Variants in NRXN3 observed in about 807,000 individuals in gnomAD.
NRXN3 encodes the protein neurexin 3.
NRXN3 carries 32 observed loss-of-function variants against 137.6 expected under a neutral mutation model. That is an observed-to-expected ratio of 0.23 (90% CI 0.18 to 0.31). NRXN3 has a LOEUF of 0.31. Among genes scored for constraint, NRXN3 ranks in the 10% least tolerant of loss-of-function variants. The probability of loss-of-function intolerance (pLI) is 1.00; values close to 1 mark genes in which losing one functional copy is unlikely to be tolerated. For synonymous variants in NRXN3, 798 were observed against 784.5 expected (o/e 1.02, Z -0.29); for missense variants, 1,574 against 2,062.5 (o/e 0.76, Z 4.59).
chr14:79,418,343 G>A (rs1037737844), intron 15 of NRXN3, among the ~76,000 whole-genome samples: 14 of 152,170 alleles, frequency 9.2e-5, no homozygotes, highest in South Asian at 4.1e-4. Flanking sequence ...AGTGGAAACC[G>A]TGTTTGATCT....
chr14:79,531,258 A>G (rs1429958076), intron 16 of NRXN3, among the ~76,000 whole-genome samples: 1 of 152,184 alleles, frequency 6.6e-6, no homozygotes, highest in Non-Finnish European at 1.5e-5. Flanking sequence ...GTGATCTCTA[A>G]GAAGTCTAGA....
intron 15 of NRXN3, among the ~76,000 whole-genome samples, chr14:79,365,636 A>G (rs910117651): frequency 8.7e-5 from 13 of 148,922 alleles, no homozygotes; most frequent in African/African-American, 2.2e-4. Flanking sequence ...GGAGAATGGC[A>G]TGAACCCGGG....
At chr14:79,484,772 A>C (rs1399667026) in intron 16 of NRXN3, among the ~76,000 whole-genome samples, 2 of 152,226 alleles carry the variant, frequency 1.3e-5, no homozygotes, top group Non-Finnish European at 2.9e-5. Flanking sequence ...AGTTTAGAAG[A>C]GGTTAGAAGT....
chr14:79,056,596 G>A (rs1322053342), intron 15 of NRXN3, among the ~76,000 whole-genome samples: 1 of 152,150 alleles, frequency 6.6e-6, no homozygotes, highest in Non-Finnish European at 1.5e-5. Flanking sequence ...TAATTAGAGG[G>A]AAGAGTTGTG....
At chr14:79,414,629 T>A (rs371298537) in intron 15 of NRXN3, among the ~76,000 whole-genome samples, 1 of 152,156 alleles carries the variant, frequency 6.6e-6, no homozygotes, top group South Asian at 2.1e-4. Context: ...GTTTGATGTA[T>A]ATATACATTG....
At chr14:79,027,068 A>G (rs1256975072) in intron 15 of NRXN3, among the ~76,000 whole-genome samples, 9 of 147,654 alleles carry the variant, frequency 6.1e-5, no homozygotes, top group African/African-American at 2.0e-4. Flanking sequence ...CATTTTCCAT[A>G]TATTCTATTG....
intron 10 of NRXN3, among the ~76,000 whole-genome samples, chr14:78,879,229 A>G (rs1182188374): frequency 6.6e-6 from 1 of 152,234 alleles, no homozygotes; most frequent in Non-Finnish European, 1.5e-5. Context: ...TATACCCTGT[A>G]TCAGGATCAC....
Position 78,289,918 on chromosome 14 carries a change from GAAAC to G in NRXN3, c.728-7909_728-7906del, listed in dbSNP as rs549136986. ...ACAGAGTGAGACTCCATCTCAAAAA[GAAAC>G]AAAACAAAACAAAACTGCTCAATGG... On this transcript the variant is annotated intron_variant, in intron 3 of 20. Transcript: ENST00000335750. Among the ~76,000 whole-genome samples, 8 of 152,110 alleles carry G rather than the reference GAAAC, an allele frequency of 5.3e-5. No homozygotes were observed. The South Asian group carries it at 1.2e-3, about 24-fold the overall frequency.
At chr14:79,333,156 G>C (rs960538545) in intron 15 of NRXN3, among the ~76,000 whole-genome samples, 70 of 151,886 alleles carry the variant, frequency 4.6e-4, no homozygotes, top group African/African-American at 1.6e-3. Flanking sequence ...GCAAAAGCCT[G>C]GTTGCTAAAT....
chr14:78,250,072 C>A (rs148036954), intron 2 of NRXN3: 9 of 516,018 alleles, frequency 1.7e-5, no homozygotes, highest in Non-Finnish European at 3.5e-5. Context: ...TCTTGACATG[C>A]GATTATGATT....
chr14:79,451,560 G>A (rs912392966), intron 15 of NRXN3, among the ~76,000 whole-genome samples: 2 of 152,184 alleles, frequency 1.3e-5, no homozygotes, highest in Admixed American at 1.3e-4. Flanking sequence ...TAGAGATAAT[G>A]TGTTCACCTG....
intron 16 of NRXN3, among the ~76,000 whole-genome samples, chr14:79,475,166 G>T (rs2096549040): frequency 6.6e-6 from 1 of 152,114 alleles, no homozygotes; most frequent in South Asian, 2.1e-4. Flanking sequence ...ATACTTCATA[G>T]ATTTGGATTC....
At chr14:78,874,163 G>A (rs546896329) in intron 10 of NRXN3, among the ~76,000 whole-genome samples, 4 of 151,950 alleles carry the variant, frequency 2.6e-5, no homozygotes, top group African/African-American at 9.7e-5. Flanking sequence ...GTAGAGATAG[G>A]ATATCACCAT....
chr14:78,331,352 T>TA (rs2080797103), intron 4 of NRXN3, among the ~76,000 whole-genome samples: 2 of 151,870 alleles, frequency 1.3e-5, no homozygotes, highest in South Asian at 2.1e-4. Flanking sequence ...GTTGTTTTAA[T>TA]AAAAAAAGGA....
At chr14:78,955,533 A>G (rs964222738) in intron 10 of NRXN3, among the ~76,000 whole-genome samples, 2 of 152,208 alleles carry the variant, frequency 1.3e-5, no homozygotes, top group Non-Finnish European at 2.9e-5. Flanking sequence ...CATTGCTCTC[A>G]TGGCATCACT....
intron 15 of NRXN3, among the ~76,000 whole-genome samples, chr14:79,121,021 T>C (rs942954030): frequency 2.0e-5 from 3 of 152,188 alleles, no homozygotes; most frequent in Admixed American, 6.5e-5. Flanking sequence ...TCATGACCAC[T>C]CTACTCTGAG....
intron 15 of NRXN3, among the ~76,000 whole-genome samples, chr14:79,379,891 C>G (rs1484008099): frequency 6.6e-6 from 1 of 151,570 alleles, no homozygotes; most frequent in East Asian, 1.9e-4. Context: ...GTTGTTATTC[C>G]TTCTGAACCA....
intron 15 of NRXN3, among the ~76,000 whole-genome samples, chr14:79,078,989 G>A (rs2046437943): frequency 6.6e-6 from 1 of 152,084 alleles, no homozygotes; most frequent in African/African-American, 2.4e-5. Context: ...ATAATTCATG[G>A]CATTGTGTAT....
chr14:78,587,915 A>AT (rs1162219444), intron 4 of NRXN3, among the ~76,000 whole-genome samples: 2 of 151,966 alleles, frequency 1.3e-5, no homozygotes, highest in African/African-American at 2.4e-5. Flanking sequence ...GATATCAGCT[A>AT]TTTTTTTAAT....
Sources: gnomAD v4.1 joint callset for allele counts (sites outside exome capture counted in the v4.1 genomes callset) on GRCh38, gnomAD v4.1.1 for gene constraint, MANE v1.5 for transcripts, NCBI Gene and HGNC (gene_info 2026-07-23, HGNC 2026-07-21) for gene names.